NRG1: variants seen among roughly 807,000 people sequenced by gnomAD.
NRG1 encodes the protein neuregulin 1.
In NRG1, 18 loss-of-function variants were observed where a neutral mutation model predicts 63.8. The observed-to-expected ratio is 0.28, with a 90% CI of 0.19 to 0.42. The LOEUF (loss-of-function observed/expected upper bound fraction) is 0.42. NRG1 is among the 10% of genes least tolerant of loss of function. NRG1 has a pLI of 1.00. For synonymous variants in NRG1, 302 were observed against 301.3 expected (o/e 1.00, Z -0.02); for missense variants, 762 against 814.7 (o/e 0.94, Z 0.79).
At chr8:31,841,240 G>A (rs1030287021) in intron 1 of NRG1, among the ~76,000 whole-genome samples, 1 of 152,010 alleles carries the variant, frequency 6.6e-6, no homozygotes, top group African/African-American at 2.4e-5. Flanking sequence ...TAGGAATGGG[G>A]GGTGGGTGGG....
chr8:31,989,626 A>T (rs1278339068), intron 1 of NRG1, among the ~76,000 whole-genome samples: 1 of 152,082 alleles, frequency 6.6e-6, no homozygotes, highest in Non-Finnish European at 1.5e-5. Context: ...GAACCTGATT[A>T]TTTCTCAATG....
At chr8:31,894,245 A>G (rs1831378932) in intron 1 of NRG1, among the ~76,000 whole-genome samples, 1 of 152,234 alleles carries the variant, frequency 6.6e-6, no homozygotes, top group Admixed American at 6.5e-5. Flanking sequence ...CCTTCTGAAT[A>G]TAACCAACAG....
At chr8:31,701,633 G>A (rs909789747) in intron 1 of NRG1, among the ~76,000 whole-genome samples, 2 of 152,134 alleles carry the variant, frequency 1.3e-5, no homozygotes, top group African/African-American at 2.4e-5. Context: ...TATTGAGAAA[G>A]ATGAGCAAGG....
chr8:32,520,583 GA>G (rs1427946701), intron 1 of NRG1, among the ~76,000 whole-genome samples: 9 of 152,232 alleles, frequency 5.9e-5, no homozygotes, highest in Middle Eastern at 3.4e-3. Context: ...ATATAGGAAA[GA>G]ACAACAAATG....
chr8:31,739,696 T>G lies in NRG1; in HGVS notation c.37+100265T>G, dbSNP rs144331810. ...GGAGCATGACATCTAAATGTTAATA[T>G]TGTGTACTGCTTACTGAGAATGAGA... On this transcript the variant is annotated intron_variant, in intron 1 of 10. Coordinates refer to the NRG1 transcript ENST00000519301. Among the ~76,000 whole-genome samples the G allele has an allele frequency of 1.4e-3, 210 of 152,236 alleles. 1 individual carries two copies. The highest frequency in any genetic ancestry group is 0.014 in the Middle Eastern group (4 of 294).
At chr8:32,145,758 G>A (rs140975307) in intron 1 of NRG1, among the ~76,000 whole-genome samples, 2 of 152,320 alleles carry the variant, frequency 1.3e-5, no homozygotes, top group East Asian at 1.9e-4. Context: ...TGGTGTTAGG[G>A]TGTTTATTAT....
At chr8:32,717,769 G>A (rs1048811699) in intron 5 of NRG1, among the ~76,000 whole-genome samples, 1 of 152,096 alleles carries the variant, frequency 6.6e-6, no homozygotes, top group Admixed American at 6.6e-5. Flanking sequence ...CTGCATGGGC[G>A]ACATTCTAAG....
At chr8:32,054,876 T>G (rs1822632562) in intron 1 of NRG1, among the ~76,000 whole-genome samples, 2 of 28,104 alleles carry the variant, frequency 7.1e-5, no homozygotes, top group African/African-American at 2.1e-4. Flanking sequence ...TTTTTTTTTT[T>G]TTTTTTTTTT....
chr8:31,826,038 G>A (rs1824515666), intron 1 of NRG1, among the ~76,000 whole-genome samples: 1 of 152,170 alleles, frequency 6.6e-6, no homozygotes, highest in East Asian at 1.9e-4. Flanking sequence ...GAGACTTCTT[G>A]GATTAACCCC....
At chr8:32,628,172 G>A (rs975013337) in intron 5 of NRG1, among the ~76,000 whole-genome samples, 1 of 152,074 alleles carries the variant, frequency 6.6e-6, no homozygotes, top group African/African-American at 2.4e-5. Flanking sequence ...CTGATGAAAT[G>A]TACCAGGAGG....
At chr8:32,115,439 GTTA>G (rs1371415819) in intron 1 of NRG1, among the ~76,000 whole-genome samples, 1 of 151,966 alleles carries the variant, frequency 6.6e-6, no homozygotes, top group Non-Finnish European at 1.5e-5. Context: ...AAAATAAAAT[GTTA>G]TTAAGAAAAT....
intron 1 of NRG1, among the ~76,000 whole-genome samples, chr8:31,940,917 A>G (rs1801650395): frequency 6.6e-6 from 1 of 152,074 alleles, no homozygotes; most frequent in Non-Finnish European, 1.5e-5. Flanking sequence ...AAAAATTGCC[A>G]ACAACAAAAA....
At chr8:32,313,011 C>T (rs549753898) in intron 1 of NRG1, among the ~76,000 whole-genome samples, 7 of 151,890 alleles carry the variant, frequency 4.6e-5, no homozygotes, top group Non-Finnish European at 8.8e-5. Context: ...AAATTAGCCG[C>T]GTGTGGTGGT....
intron 1 of NRG1, among the ~76,000 whole-genome samples, chr8:32,083,878 A>G (rs1182785507): frequency 6.6e-6 from 1 of 152,188 alleles, no homozygotes; most frequent in East Asian, 1.9e-4. Context: ...TAGAAATCTT[A>G]GCAACTTTCA....
At chr8:32,325,907 G>A (rs926564471) in intron 1 of NRG1, among the ~76,000 whole-genome samples, 1 of 152,098 alleles carries the variant, frequency 6.6e-6, no homozygotes, top group Non-Finnish European at 1.5e-5. Flanking sequence ...TAACTAGGGA[G>A]CTGAGCACCA....
chr8:32,138,758 G>T (rs1393158026), intron 1 of NRG1, among the ~76,000 whole-genome samples: 2 of 151,928 alleles, frequency 1.3e-5, no homozygotes, highest in African/African-American at 4.8e-5. Flanking sequence ...AGTAGAAACA[G>T]GGTTTCACCA....
chr8:31,662,637 T>A (rs562958273), intron 1 of NRG1, among the ~76,000 whole-genome samples: 1 of 152,298 alleles, frequency 6.6e-6, no homozygotes, highest in Non-Finnish European at 1.5e-5. Context: ...GGTCGTCACC[T>A]TTTAGGACCT....
intron 1 of NRG1, among the ~76,000 whole-genome samples, chr8:31,971,848 C>T (rs1807336198): frequency 6.6e-6 from 1 of 152,120 alleles, no homozygotes; most frequent in Admixed American, 6.5e-5. Context: ...TAGTAAACTT[C>T]ACTTGTCATC....
intron 1 of NRG1, among the ~76,000 whole-genome samples, chr8:31,644,399 A>G (rs1301912142): frequency 6.6e-6 from 1 of 152,220 alleles, no homozygotes; most frequent in African/African-American, 2.4e-5. Context: ...ACTCCTTAGA[A>G]TAAAAATATT....
Sources: gnomAD v4.1 joint callset for allele counts (sites outside exome capture counted in the v4.1 genomes callset) on GRCh38, gnomAD v4.1.1 for gene constraint, MANE v1.5 for transcripts, NCBI Gene and HGNC (gene_info 2026-07-23, HGNC 2026-07-21) for gene names.